The following ARHGAP33 variants were observed in gnomAD, a reference collection of about 807,000 sequenced individuals.
ARHGAP33 encodes the protein rho GTPase-activating protein 33.
In ARHGAP33, 57 loss-of-function variants were observed where a neutral mutation model predicts 126.2. That is an observed-to-expected ratio of 0.45 (90% CI 0.36 to 0.56). The LOEUF (loss-of-function observed/expected upper bound fraction) is 0.56, where lower values mean the gene tolerates loss of function less well. Among genes scored for constraint, ARHGAP33 ranks in the 20% least tolerant of loss-of-function variants. ARHGAP33 has a pLI of 0.00. For missense variants in ARHGAP33, 1,500 were observed against 1,748.3 expected, an observed-to-expected ratio of 0.86 and a Z score of 2.53; for synonymous variants, 711 against 755.0, an observed-to-expected ratio of 0.94 and a Z score of 0.95.
In ARHGAP33 at chr19:35,785,227, G is replaced by C; in HGVS notation, c.1760G>C (p.Gly587Ala). ...AGAGGGGAGAAGCAGCGGAAGCCAGGGGGCAGCAGCTGGAAGACGTTCTTT... is the reference window on the plus strand; with the variant it reads ...AGAGGGGAGAAGCAGCGGAAGCCAGCGGGCAGCAGCTGGAAGACGTTCTTT... ...GERGEKQRKP[G>A]GSSWKTFFAL... The change falls in exon 18 of 21, where the codon GGG (glycine) becomes GCG (alanine). Residue 587 changes from glycine to alanine, a missense_variant. Transcript: ENST00000007510. 1.9e-6 allele frequency: 3 copies of C among 1,583,302 alleles called. No homozygotes were observed. The highest frequency in any genetic ancestry group is 3.4e-4 in the Middle Eastern group (2 of 5,894).
At chr19:35,776,179 C>G (rs1167997613) in intron 1 of ARHGAP33, among the ~76,000 whole-genome samples, 1 of 147,412 alleles carries the variant, frequency 6.8e-6, no homozygotes, top group African/African-American at 2.5e-5. Flanking sequence ...CTCTCAATCC[C>G]CCCCGCCCCG....
intron 1 of ARHGAP33, among the ~76,000 whole-genome samples, chr19:35,776,666 C>G (rs2146675159): frequency 6.6e-6 from 1 of 152,366 alleles, no homozygotes; most frequent in Non-Finnish European, 1.5e-5. Flanking sequence ...TGTCTGAACA[C>G]CAACTCAATG....
Position 35,786,040 on chromosome 19 carries a change from T to G in ARHGAP33, c.1943-373T>G, listed in dbSNP as rs1045549798. 42 of 1,150,052 alleles carry G rather than the reference T, an allele frequency of 3.7e-5. No individual in the cohort carries two copies. The highest frequency in any genetic ancestry group is 4.4e-5 in the Non-Finnish European group (41 of 933,352). 71.2% of individuals were successfully genotyped at this position (1,150,052 alleles called of 1,614,324 possible). Reference sequence around the variant, plus strand: ...CGCTGCTGGGTGCTGCTCTCCGACCTCTGCGGGGGGCTGCTTATCCACCCC... The same window carrying G: ...CGCTGCTGGGTGCTGCTCTCCGACCGCTGCGGGGGGCTGCTTATCCACCCC... On this transcript the variant is annotated intron_variant, in intron 19 of 20. Transcript: ENST00000007510. This position sits in a 1 kb window ranked among gnomAD's most constrained non-coding sequence, Gnocchi z 7.0.
intron 1 of ARHGAP33, 193 bp from the exon 2 acceptor site, chr19:35,777,452 C>T (rs193133242): frequency 1.3e-5 from 8 of 605,460 alleles, no homozygotes; most frequent in Non-Finnish European, 2.1e-5. Context: ...TCCAGTCCCC[C>T]ACCCCAGACC....
Position 35,782,280 on chromosome 19 carries a change from G to A in ARHGAP33, c.1086-93G>A. On this transcript the variant is annotated intron_variant, in intron 12 of 20. Coordinates refer to ENST00000007510, the MANE Select transcript of ARHGAP33 (RefSeq NM_001366178.1). The surrounding 1 kb of genome is among the most constrained non-coding windows in gnomAD (Gnocchi z 4.1). The stretch of plus-strand genomic sequence containing the variant: ...CTGGGGAAGAGGGTTCCATCCACCT[G>A]CGGGCACTTGGGGGTAGGGGCAAGG... 6.9e-7 allele frequency: 1 copy of A among 1,447,936 alleles called. No individual in the cohort carries two copies. The allele number at this position is 1,447,936 out of a possible 1,614,324, so 89.7% of individuals were successfully genotyped here.
Position 35,782,345 on chromosome 19 carries a change from T to A in ARHGAP33, c.1086-28T>A. ...TGAGCGAGCCCCTCTGACCTGGATC[T>A]TCCTCCTCCTTGACACGGTGGTCTC... is the stretch of plus-strand genomic sequence containing the variant. On this transcript the variant is annotated intron_variant, in intron 12 of 20. Coordinates refer to ENST00000007510, the MANE Select transcript of ARHGAP33 (RefSeq NM_001366178.1). The surrounding 1 kb of genome is among the most constrained non-coding windows in gnomAD (Gnocchi z 4.1). The A allele has an allele frequency of 6.3e-7, 1 of 1,589,256 alleles. No individual in the cohort carries two copies. Among genetic ancestry groups the A allele is most frequent in the East Asian group, 2.3e-5 (1 of 44,272 alleles).
intron 6 of ARHGAP33, chr19:35,779,914 G>A: frequency 1.9e-6 from 1 of 534,442 alleles, no homozygotes; most frequent in Non-Finnish European, 3.6e-6. Context: ...ATCTGCTGTG[G>A]AGGATGAAGG....
In ARHGAP33 at chr19:35,782,642, C is replaced by G. The variant is rs747120817; in HGVS notation, c.1276C>G (p.His426Asp). Residue 426 changes from histidine (H) to aspartate (D), a missense_variant, in exon 14 of 21, where the codon CAC becomes GAC. Around this residue, in one of 6 missense-constraint regions of ARHGAP33, gnomAD observed 281 missense variants for 413.7 expected, o/e 0.68. Coordinates refer to ENST00000007510, the MANE Select transcript of ARHGAP33 (RefSeq NM_001366178.1). This position sits in a 1 kb window ranked among gnomAD's most constrained non-coding sequence, Gnocchi z 4.1. ...GGAGGAGGAGCGTCTGGTGCGGGTG[C>G]ACGATGTCATCCAGCAGCTGCCCCC... The part of the protein sequence containing the change: ...PGEEERLVRV[H>D]DVIQQLPPPH... The G allele has an allele frequency of 6.2e-7, 1 of 1,613,478 alleles. No homozygotes were observed.
chr19:35,787,688 G>A lies in ARHGAP33; in HGVS notation c.3123G>A (p.Leu1041=). 1.3e-6 allele frequency: 2 copies of A among 1,593,246 alleles called. No individual in the cohort carries two copies. Among genetic ancestry groups the A allele is most frequent in the South Asian group, 1.1e-5 (1 of 87,936 alleles). ...TCTCCCCAGCCCCCAGGGAGTGCCT[G>A]CCACCCTTCCTCGGGGTCCCCAAGC... The part of the protein sequence containing the change: ...GFFSPAPREC[L]PPFLGVPKPG... Residue 1041 remains leucine, a synonymous_variant, in exon 21 of 21, where the codon CTG becomes CTA. Transcript: ENST00000007510.
chr19:35,775,772 T>C, intron 1 of ARHGAP33, 108 bp downstream of exon 1: 1 of 1,188,304 alleles, frequency 8.4e-7, no homozygotes, highest in Non-Finnish European at 1.1e-6. Flanking sequence ...CCGCGGCCTG[T>C]GCTTCAGCCG....
chr19:35,780,742 T>C lies in ARHGAP33; in HGVS notation c.770-15T>C. 1 of 1,613,636 alleles carries C rather than the reference T, an allele frequency of 6.2e-7. No individual in the cohort carries two copies. Among genetic ancestry groups the C allele is most frequent in the South Asian group, 1.1e-5 (1 of 91,082 alleles). ...CCTCCCACTCATCCCTTCCACCCCA[T>C]TTTTCGCCTAGCAGATGCCGATGGC... On this transcript the variant is annotated splice_polypyrimidine_tract_variant and intron_variant, in intron 9 of 20. Transcript: ENST00000007510.
rs1971824994 is a variant in ARHGAP33, at chr19:35,782,132, G to T, written c.1086-241G>T. The stretch of plus-strand genomic sequence containing the variant: ...AGTCAGACAGTCTTGGGTAGCTGCA[G>T]GCAGAGGCACCTCTGTCTGAGCCTC... On this transcript the variant is annotated intron_variant, in intron 12 of 20. Coordinates refer to ENST00000007510, the MANE Select transcript of ARHGAP33 (RefSeq NM_001366178.1). The surrounding 1 kb of genome is among the most constrained non-coding windows in gnomAD (Gnocchi z 4.1). Among the ~76,000 whole-genome samples, 1 of 152,206 alleles carries T rather than the reference G, an allele frequency of 6.6e-6. No individual in the cohort carries two copies. The highest frequency in any genetic ancestry group is 6.5e-5 in the Admixed American group (1 of 15,284).
chr19:35,787,391 G>A lies in ARHGAP33; in HGVS notation c.2826G>A (p.Glu942=), dbSNP rs759053161. The change falls in exon 21 of 21, where the codon GAG becomes GAA. Residue 942 remains glutamate (E), a synonymous_variant. Transcript: ENST00000007510. ...HRSLSLEVGG[E]PLGTSGSGPP... is the part of the protein sequence containing the mutation. ...CGCTGTCTCTGGAGGTGGGCGGGGA[G>A]CCCCTGGGGACCTCAGGGAGTGGGC... is the stretch of plus-strand genomic sequence containing the variant. The A allele has an allele frequency of 2.5e-6, 4 of 1,609,402 alleles. No homozygotes were observed. The highest frequency in any genetic ancestry group is 3.4e-5 in the Admixed American group (2 of 59,274).
rs761047739 is a variant in ARHGAP33, at chr19:35,780,339, G to T, written c.624+6G>T. On this transcript the variant is annotated splice_donor_region_variant and intron_variant, in intron 7 of 20. Coordinates refer to ENST00000007510, the MANE Select transcript of ARHGAP33 (RefSeq NM_001366178.1). Reference sequence around the variant, plus strand: ...CAGATGAGCTGTCCTTTGAGGTGAGGCTGTGGGGAAGCAGATTCCAGCTGG... The same window carrying T: ...CAGATGAGCTGTCCTTTGAGGTGAGTCTGTGGGGAAGCAGATTCCAGCTGG... 3.1e-6 allele frequency: 5 copies of T among 1,613,550 alleles called. No homozygotes were observed. The highest frequency in any genetic ancestry group is 4.2e-6 in the Non-Finnish European group (5 of 1,179,964).
rs745949703 is a variant in ARHGAP33, at chr19:35,787,197, C to G, written c.2632C>G (p.Pro878Ala). ...TGATATGGAGTCACCACTGCCACCC[C>G]CTCCCCTGTCTCTCCTGCGCCCTGG... ...GPDMESPLPP[P>A]PLSLLRPGGA... The change falls in exon 21 of 21, where the codon CCT becomes GCT. Residue 878 changes from proline (P) to alanine (A), a missense_variant. This residue lies in a region of ARHGAP33 where 642 missense variants were observed against 634.0 expected (regional missense o/e 1.01). Transcript: ENST00000007510. 3.1e-6 allele frequency: 5 copies of G among 1,610,958 alleles called. No homozygotes were observed. The Admixed American group carries it at 6.7e-5, about 22-fold the overall frequency.
In ARHGAP33 at chr19:35,787,456, C is replaced by T. The variant is rs775109759; in HGVS notation, c.2891C>T (p.Pro964Leu). ...NSLAHPGAWV[P>L]GPPPYLPRQQ... ...CTAGCACACCCGGGTGCCTGGGTCC[C>T]GGGACCCCCACCCTACTTACCAAGG... Residue 964 changes from proline to leucine, a missense_variant, in exon 21 of 21, where the codon CCG becomes CTG. Transcript: ENST00000007510. 20 of 1,611,968 alleles carry T rather than the reference C, an allele frequency of 1.2e-5. No homozygotes were observed. The highest frequency in any genetic ancestry group is 9.4e-5 in the African/African-American group (7 of 74,838).
rs1229642931 is a variant in ARHGAP33 at position 35,782,663 on chromosome 19, C to A, written c.1297C>A (p.Pro433Thr). The change falls in exon 14 of 21, where the codon CCC becomes ACC. Residue 433 changes from proline (P) to threonine (T), a missense_variant. By Grantham distance (38) the Pro-to-Thr change is conservative. Coordinates refer to ENST00000007510, the MANE Select transcript of ARHGAP33 (RefSeq NM_001366178.1). The surrounding 1 kb of genome is among the most constrained non-coding windows in gnomAD (Gnocchi z 4.1). ...VRVHDVIQQL[P>T]PPHYRTLEYL... Reference sequence around the variant, plus strand: ...GGTGCACGATGTCATCCAGCAGCTGCCCCCACCACATTACAGGTAAACCAG... The same window carrying A: ...GGTGCACGATGTCATCCAGCAGCTGACCCCACCACATTACAGGTAAACCAG... 1 of 1,612,886 alleles carries A rather than the reference C, an allele frequency of 6.2e-7. No homozygotes were observed. Among genetic ancestry groups the A allele is most frequent in the African/African-American group, 1.3e-5 (1 of 75,006 alleles).
At chr19:35,778,185 C>G in intron 3 of ARHGAP33, 95 bp from the exon 4 acceptor site, 1 of 1,339,996 alleles carries the variant, frequency 7.5e-7, no homozygotes, top group Non-Finnish European at 1.1e-6. Flanking sequence ...CGGGGAGGTC[C>G]AGAAGGGAGT....
In ARHGAP33 at chr19:35,786,825, C is replaced by G. The variant is rs1433392588; in HGVS notation, c.2355C>G (p.Thr785=). 2 of 1,549,508 alleles carry G rather than the reference C, an allele frequency of 1.3e-6. No individual in the cohort carries two copies. The highest frequency in any genetic ancestry group is 2.7e-5 in the African/African-American group (2 of 73,438). ...AGGCCATCTCGCCCCGGGGGCCCAC[C>G]AGCCCCGCCTCGCCTGCTGCCCTAG... ...TPQAISPRGP[T]SPASPAALDI... The change falls in exon 20 of 21, where the codon ACC becomes ACG. Residue 785 remains threonine, a synonymous_variant. Transcript: ENST00000007510. This position sits in a 1 kb window ranked among gnomAD's most constrained non-coding sequence, Gnocchi z 7.0.
Sources: allele counts gnomAD v4.1 joint callset (sites outside exome capture counted in the v4.1 genomes callset), GRCh38; gene constraint gnomAD v4.1.1; regional missense constraint gnomAD v4.1.1; non-coding constraint Gnocchi (gnomAD v3.1); transcripts MANE v1.5; gene names NCBI Gene and HGNC (gene_info 2026-07-23, HGNC 2026-07-21).